Variants in NBN observed in about 807,000 individuals in gnomAD.
NBN encodes the protein nibrin, also known as Nijmegen breakage syndrome 1 (nibrin).
A neutral mutation model predicts 90.8 loss-of-function variants in NBN; 88 were observed. The ratio of observed to expected loss-of-function variants is 0.97; its 90% CI spans 0.82 to 1.16. The LOEUF (loss-of-function observed/expected upper bound fraction) is 1.16. Among genes scored for constraint, NBN ranks in the 50% most tolerant of loss-of-function variants. NBN has a pLI of 0.00. For synonymous variants in NBN, 328 were observed against 295.1 expected (o/e 1.11, Z -1.14); for missense variants, 894 against 869.6 (o/e 1.03, Z -0.35).
At position 89,970,359 on chromosome 8, in the gene NBN, T is replaced by C. The variant is rs1811448164; in HGVS notation, c.896+5A>G. 6.2e-7 allele frequency: 1 copy of C among 1,600,322 alleles called. No individual in the cohort carries two copies. The highest frequency in any genetic ancestry group is 8.6e-7 in the Non-Finnish European group (1 of 1,167,950). Reference sequence around the variant, plus strand: ...GTTTTTTACTAATAAAGAATAATTCTATACCTTTGGAGCATATCCATTATT... The same window carrying C: ...GTTTTTTACTAATAAAGAATAATTCCATACCTTTGGAGCATATCCATTATT... On this transcript the variant is annotated splice_donor_5th_base_variant and intron_variant, in intron 7 of 15. Transcript: ENST00000265433.
chr8:89,957,216 T>C (rs1157574254), intron 9 of NBN, among the ~76,000 whole-genome samples: 1 of 152,218 alleles, frequency 6.6e-6, no homozygotes, highest in Non-Finnish European at 1.5e-5. Context: ...CCCAGAAGAC[T>C]TTCCAGTGGG....
intron 14 of NBN, among the ~76,000 whole-genome samples, chr8:89,942,069 G>A (rs1419271941): frequency 3.3e-5 from 5 of 151,934 alleles, no homozygotes; most frequent in African/African-American, 1.2e-4. Context: ...GTCTATACGG[G>A]GTATGAGTGA....
chr8:89,964,177 C>T lies in NBN; in HGVS notation c.994+233G>A, dbSNP rs6990969. Among the ~76,000 whole-genome samples, 50,185 of 152,014 alleles carry T rather than the reference C, an allele frequency of 0.33. 8,373 individuals are homozygous for T. Among genetic ancestry groups the T allele is most frequent in the East Asian group, 0.45 (2,341 of 5,180 alleles). ...GGTTACTAAATCTTGATCTTCAGAA[C>T]ATAAAGTTTATAATAACAAGGATCT... On this transcript the variant is annotated intron_variant, in intron 8 of 15. Coordinates refer to ENST00000265433, the MANE Select transcript of NBN (RefSeq NM_002485.5).
At chr8:89,963,890 T>A (rs757283297) in intron 8 of NBN, among the ~76,000 whole-genome samples, 2 of 152,174 alleles carry the variant, frequency 1.3e-5, no homozygotes, top group African/African-American at 2.4e-5. Flanking sequence ...TCTATTCACA[T>A]CTCCTCTTAC....
At position 89,934,753 on chromosome 8, in the gene NBN, A is replaced by T. The variant is rs752958453; in HGVS notation, c.*829T>A. Reference sequence around the variant, plus strand: ...ACTTGTCAATAAAGTTTGAAAAAAGACATTCATTGTTTCTTACCATCTCCC... The same window carrying T: ...ACTTGTCAATAAAGTTTGAAAAAAGTCATTCATTGTTTCTTACCATCTCCC... On this transcript the variant is annotated 3_prime_UTR_variant, in exon 16 of 16. Coordinates refer to ENST00000265433, the MANE Select transcript of NBN (RefSeq NM_002485.5). The T allele has an allele frequency of 9.0e-5, 21 of 233,256 alleles. No individual in the cohort carries two copies. Among genetic ancestry groups the T allele is most frequent in the Non-Finnish European group, 1.8e-4 (21 of 118,016 alleles). 14.4% of individuals were successfully genotyped at this position (233,256 alleles called of 1,614,324 possible).
chr8:89,984,447 C>G, intron 1 of NBN, 78 bp downstream of exon 1: 1 of 1,379,338 alleles, frequency 7.2e-7, no homozygotes, highest in South Asian at 1.2e-5. Context: ...GGACGCGACG[C>G]AGGAATCACC....
At chr8:89,958,955 A>C in intron 8 of NBN, 101 bp from the exon 9 acceptor site, 2 of 1,448,690 alleles carry the variant, frequency 1.4e-6, no homozygotes, top group Non-Finnish European at 1.9e-6. Flanking sequence ...TGAGGGGATT[A>C]ACTAGGGAAT....
chr8:89,979,928 T>C (rs1041846578), intron 4 of NBN, among the ~76,000 whole-genome samples: 3 of 152,230 alleles, frequency 2.0e-5, no homozygotes, highest in African/African-American at 7.2e-5. Context: ...TAAAGAGGAC[T>C]GTGCTAGGGC....
intron 9 of NBN, among the ~76,000 whole-genome samples, chr8:89,957,744 G>GT (rs1001902659): frequency 6.2e-4 from 94 of 152,168 alleles, no homozygotes; most frequent in African/African-American, 1.8e-3. Flanking sequence ...ATTGCCTACA[G>GT]TATCAGTACA....
At position 89,971,282 on chromosome 8, in the gene NBN, G is replaced by A. The variant is rs951997505; in HGVS notation, c.593C>T (p.Pro198Leu). The A allele has an allele frequency of 7.4e-6, 12 of 1,611,110 alleles. No individual in the cohort carries two copies. Among genetic ancestry groups the A allele is most frequent in the Non-Finnish European group, 9.3e-6 (11 of 1,178,320 alleles). ...KQPPQIESFY[P>L]PLDEPSIGSK... Reference sequence around the variant, plus strand: ...TCCAATAGATGGTTCATCAAGAGGTGGGTAAAAACTGTAAAAATAATTAAA... The same window carrying A: ...TCCAATAGATGGTTCATCAAGAGGTAGGTAAAAACTGTAAAAATAATTAAA... Residue 198 changes from proline (P) to leucine (L), a missense_variant, in exon 6 of 16, where the codon CCA becomes CTA. Pro to Leu is a moderately conservative substitution (Grantham distance 98). Transcript: ENST00000265433.
At chr8:89,971,054 C>A in intron 6 of NBN, 119 bp downstream of exon 6, 1 of 1,129,762 alleles carries the variant, frequency 8.9e-7, no homozygotes, top group Non-Finnish European at 1.3e-6. Context: ...TTTTATTCTA[C>A]TTCACACTTT....
chr8:89,953,953 T>A (rs1810578968), intron 10 of NBN, among the ~76,000 whole-genome samples: 1 of 152,092 alleles, frequency 6.6e-6, no homozygotes, highest in Admixed American at 6.6e-5. Context: ...GTTGCATTAG[T>A]TGATAAATTA....
At chr8:89,960,823 G>GT (rs1221166516) in intron 8 of NBN, among the ~76,000 whole-genome samples, 1 of 151,826 alleles carries the variant, frequency 6.6e-6, no homozygotes, top group Non-Finnish European at 1.5e-5. Context: ...TGTTCAATAA[G>GT]TATTTGTTGA....
Position 89,984,599 on chromosome 8 carries a change from G to A in NBN, c.-38C>T. 1.9e-6 allele frequency: 3 copies of A among 1,610,852 alleles called. No individual in the cohort carries two copies. Among genetic ancestry groups the A allele is most frequent in the South Asian group, 1.1e-5 (1 of 90,680 alleles). On this transcript the variant is annotated 5_prime_UTR_variant, in exon 1 of 16. Coordinates refer to ENST00000265433, the MANE Select transcript of NBN (RefSeq NM_002485.5). ...TCAGGGCTGGGGCCGACGTGCAACC[G>A]CGTAACCGGGGCTGCTAGACGAGCG...
At position 89,946,181 on chromosome 8, in the gene NBN, C is replaced by T. The variant is rs730881856; in HGVS notation, c.2029G>A (p.Asp677Asn). The stretch of plus-strand genomic sequence containing the variant: ...AAATTTTTTAGTTGACCATAATCAT[C>T]ATTTATGCCAGATGGATTTCTGGAA... ...STSRNPSGIN[D>N]DYGQLKNFKK... The change falls in exon 13 of 16, where the codon GAT becomes AAT. Residue 677 changes from aspartate (D) to asparagine (N), a missense_variant. By Grantham distance (23) the Asp-to-Asn change is conservative. Transcript: ENST00000265433. 61 of 1,602,096 alleles carry T rather than the reference C, an allele frequency of 3.8e-5. No homozygotes were observed. Among genetic ancestry groups the T allele is most frequent in the Middle Eastern group, 1.7e-4 (1 of 5,948 alleles).
chr8:89,961,349 T>A (rs1563543269), intron 8 of NBN, among the ~76,000 whole-genome samples: 1 of 152,152 alleles, frequency 6.6e-6, no homozygotes, highest in Non-Finnish European at 1.5e-5. Flanking sequence ...TGTTAGGGGA[T>A]CCCAAATTAG....
intron 8 of NBN, among the ~76,000 whole-genome samples, chr8:89,960,039 T>A (rs991309436): frequency 2.6e-5 from 4 of 152,176 alleles, no homozygotes; most frequent in African/African-American, 9.7e-5. Flanking sequence ...TGTATTTCTG[T>A]ATCACCAGTA....
Position 89,933,722 on chromosome 8 carries a change from A to C in NBN, c.*1860T>G. 1 of 232,502 alleles carries C rather than the reference A, an allele frequency of 4.3e-6. No individual in the cohort carries two copies. Among genetic ancestry groups the C allele is most frequent in the Non-Finnish European group, 8.5e-6 (1 of 117,620 alleles). The allele number at this position is 232,502 out of a possible 1,614,324, so 14.4% of individuals were successfully genotyped here. On this transcript the variant is annotated 3_prime_UTR_variant, in exon 16 of 16. Transcript: ENST00000265433. ...TTAAATTGGAGAGAAAAAATATCAA[A>C]CAAAAGAAAAAAATAAATTTGACCT...
At chr8:89,978,460 T>A (rs1586102038) in intron 4 of NBN, 137 bp from the exon 5 acceptor site, 4 of 661,788 alleles carry the variant, frequency 6.0e-6, no homozygotes, top group Admixed American at 6.1e-5. Context: ...TCTAAATTTA[T>A]AAAGAAGCCA....
Sources: gnomAD v4.1 joint callset for allele counts (sites outside exome capture counted in the v4.1 genomes callset) on GRCh38, gnomAD v4.1.1 for gene constraint, MANE v1.5 for transcripts, NCBI Gene and HGNC (gene_info 2026-07-23, HGNC 2026-07-21) for gene names.